Variants in MMS22L observed in about 807,000 individuals in gnomAD.
MMS22L encodes MMS22 like, DNA repair protein.
Under a neutral mutation model 159.1 loss-of-function variants are expected in MMS22L, and 74 were observed. That is an observed-to-expected ratio of 0.47 (90% CI 0.39 to 0.56). The LOEUF is 0.56. MMS22L is among the 20% of genes least tolerant of loss of function. MMS22L has a pLI of 0.00. For synonymous variants in MMS22L, 517 were observed against 506.9 expected (o/e 1.02, Z -0.27); for missense variants, 1,351 against 1,422.1 (o/e 0.95, Z 0.80).
At chr6:97,192,850 T>C (rs527691610) in intron 14 of MMS22L, among the ~76,000 whole-genome samples, 2 of 152,236 alleles carry the variant, frequency 1.3e-5, no homozygotes, top group Non-Finnish European at 2.9e-5. Flanking sequence ...GGTACTTTAT[T>C]GTCCTCATTT....
Position 97,144,583 on chromosome 6 carries a change from C to T in MMS22L, c.*2223G>A, listed in dbSNP as rs1313359711. The stretch of plus-strand genomic sequence containing the variant: ...AACAAACTCAGATTTGACCAAAAGA[C>T]AATGGCTTGTATTACACTGGTAGAA... On this transcript the variant is annotated 3_prime_UTR_variant, in exon 25 of 25. Transcript: ENST00000683635. 1.3e-5 allele frequency: 2 copies of T among 152,098 alleles called. No homozygotes were observed. Among genetic ancestry groups the T allele is most frequent in the African/African-American group, 4.8e-5 (2 of 41,424 alleles). 9.4% of individuals were successfully genotyped at this position (152,098 alleles called of 1,614,324 possible).
In MMS22L at chr6:97,178,524, T is replaced by C. The variant is rs1392774305; in HGVS notation, c.2598A>G (p.Val866=). The C allele has an allele frequency of 1.3e-6, 2 of 1,583,286 alleles. No homozygotes were observed. Among genetic ancestry groups the C allele is most frequent in the South Asian group, 1.1e-5 (1 of 87,544 alleles). The change falls in exon 18 of 25, where the codon GTA becomes GTG. Residue 866 remains valine (V), a synonymous_variant. Transcript: ENST00000683635. ...LTRLLFNLSE[V]KSIFSKAQVE... ...CTTGGGCCTTTGAGAAAATACTCTT[T>C]ACTTCTGAGAGATTAAATAGTAATC...
rs1050435453 is a variant in MMS22L, at chr6:97,168,941, T to C, written c.2840-701A>G. ...CCCTGGGCCTCACCATGAAACTCTA[T>C]ATTTATTTGTTGGTACCCCTATTTC... On this transcript the variant is annotated intron_variant, in intron 19 of 24. Transcript: ENST00000683635. Among the ~76,000 whole-genome samples, 21 of 152,218 alleles carry C rather than the reference T, an allele frequency of 1.4e-4. No individual in the cohort carries two copies. In the Middle Eastern group the frequency reaches 0.014, roughly 99 times the overall value.
chr6:97,205,354 G>C (rs944632307), intron 14 of MMS22L, among the ~76,000 whole-genome samples: 8 of 151,908 alleles, frequency 5.3e-5, no homozygotes, highest in Admixed American at 2.0e-4. Context: ...TCTTCCTGTT[G>C]TTTTACAATT....
intron 19 of MMS22L, among the ~76,000 whole-genome samples, chr6:97,170,795 C>T (rs1803464446): frequency 6.6e-6 from 1 of 152,054 alleles, no homozygotes; most frequent in African/African-American, 2.4e-5. Context: ...CTGCTTGAGC[C>T]CAGGAGTTCA....
chr6:97,226,947 TG>T (rs1055402621), intron 14 of MMS22L, among the ~76,000 whole-genome samples: 1 of 152,104 alleles, frequency 6.6e-6, no homozygotes, highest in African/African-American at 2.4e-5. Flanking sequence ...AAATGTTCCC[TG>T]GGGGACAACT....
At chr6:97,277,000 T>C (rs1816299950) in intron 4 of MMS22L, among the ~76,000 whole-genome samples, 1 of 152,160 alleles carries the variant, frequency 6.6e-6, no homozygotes, top group Admixed American at 6.5e-5. Context: ...GAAACAATAA[T>C]ACTTAACATT....
At chr6:97,178,179 T>A (rs2128266440) in intron 18 of MMS22L, among the ~76,000 whole-genome samples, 1 of 152,252 alleles carries the variant, frequency 6.6e-6, no homozygotes, top group South Asian at 2.1e-4. Flanking sequence ...CAATTTAGAT[T>A]AGCCTTAGAG....
intron 14 of MMS22L, among the ~76,000 whole-genome samples, chr6:97,200,616 G>T (rs1348756676): frequency 2.6e-5 from 4 of 151,014 alleles, no homozygotes; most frequent in African/African-American, 9.7e-5. Flanking sequence ...ATCTCCTGAT[G>T]AAAAAAAAAT....
chr6:97,191,445 A>C (rs766314954), intron 14 of MMS22L, among the ~76,000 whole-genome samples: 1 of 152,174 alleles, frequency 6.6e-6, no homozygotes, highest in Non-Finnish European at 1.5e-5. Context: ...TGATGCCTCA[A>C]AGTTTAAGGA....
chr6:97,174,784 A>C (rs1803962198), intron 18 of MMS22L, among the ~76,000 whole-genome samples: 1 of 152,212 alleles, frequency 6.6e-6, no homozygotes, highest in Admixed American at 6.5e-5. Context: ...AAAGAGTACT[A>C]CAGAAGCTTT....
At chr6:97,204,530 G>A (rs1807538081) in intron 14 of MMS22L, among the ~76,000 whole-genome samples, 1 of 152,188 alleles carries the variant, frequency 6.6e-6, no homozygotes, top group South Asian at 2.1e-4. Flanking sequence ...AGTGGCTCAT[G>A]CTTGTAATCC....
intron 18 of MMS22L, among the ~76,000 whole-genome samples, chr6:97,176,697 C>CA (rs1562420851): frequency 6.6e-6 from 1 of 152,140 alleles, no homozygotes; most frequent in Non-Finnish European, 1.5e-5. Flanking sequence ...ACTTCCCTGG[C>CA]AGGTAGTGTT....
In MMS22L at chr6:97,145,294, AAC is replaced by A. The variant is rs1446740982; in HGVS notation, c.*1510_*1511del. ...AGGACCATTTATATGTTATGAAAAT[AAC>A]AGACACTCCTTTGGATTTCACAGAT... On this transcript the variant is annotated 3_prime_UTR_variant, in exon 25 of 25. Transcript: ENST00000683635. 1 of 152,174 alleles carries A rather than the reference AAC, an allele frequency of 6.6e-6. No individual in the cohort carries two copies. The highest frequency in any genetic ancestry group is 2.4e-5 in the African/African-American group (1 of 41,440). The allele number at this position is 152,174 out of a possible 1,614,324, so 9.4% of individuals were successfully genotyped here. A position where few individuals can be genotyped will look rare whatever the true frequency, so the allele number is the denominator to read the frequency against.
In MMS22L at chr6:97,173,206, T is replaced by C. The variant is rs1332491400; in HGVS notation, c.2696A>G (p.Tyr899Cys). ...ATCAGAAAGTGTCTGGACGTTCCCG[T>C]AAGTTACACCAACAGCCTATAAATA... ...VRFFEAVGVT[Y>C]GNVQTLSDKS... The change falls in exon 19 of 25, where the codon TAC becomes TGC. Residue 899 changes from tyrosine to cysteine, a missense_variant. Tyr to Cys is a radical substitution (Grantham distance 194). Coordinates refer to ENST00000683635, the MANE Select transcript of MMS22L (RefSeq NM_001350599.2). 1 of 1,613,242 alleles carries C rather than the reference T, an allele frequency of 6.2e-7. No homozygotes were observed. The highest frequency in any genetic ancestry group is 8.5e-7 in the Non-Finnish European group (1 of 1,179,688).
In MMS22L at chr6:97,229,298, T is replaced by A. The variant is rs373786338; in HGVS notation, c.1635A>T (p.Glu545Asp). The A allele has an allele frequency of 3.1e-6, 5 of 1,614,164 alleles. No homozygotes were observed. The highest frequency in any genetic ancestry group is 4.2e-6 in the Non-Finnish European group (5 of 1,180,010). The change falls in exon 14 of 25, where the codon GAA becomes GAT. Residue 545 changes from glutamate to aspartate, a missense_variant. By Grantham distance (45) the Glu-to-Asp change is conservative. Transcript: ENST00000683635. ...GGTCTAAAACATGACTTGCAACATC[T>A]TCTACCTCTGCAACAGCTGCTAACA... is the stretch of plus-strand genomic sequence containing the variant. ...FLLLAAVAEVEDVASHVLDLL... is the reference protein window; with the variant it reads ...FLLLAAVAEVDDVASHVLDLL...
intron 10 of MMS22L, among the ~76,000 whole-genome samples, chr6:97,249,250 G>A (rs1582787161): frequency 6.6e-6 from 1 of 152,212 alleles, no homozygotes. Flanking sequence ...AACGTGGCCT[G>A]ACTCCATTAA....
chr6:97,210,035 A>G (rs1202062014), intron 14 of MMS22L, among the ~76,000 whole-genome samples: 3 of 151,962 alleles, frequency 2.0e-5, no homozygotes, highest in African/African-American at 7.2e-5. Context: ...AATTAGAAAC[A>G]CTAAAGTAAT....
intron 14 of MMS22L, among the ~76,000 whole-genome samples, chr6:97,188,161 CT>C (rs1805448733): frequency 2.0e-5 from 3 of 152,190 alleles, no homozygotes; most frequent in Admixed American, 2.0e-4. Flanking sequence ...ACTAACTCAA[CT>C]GCCTATATCA....
Sources: allele counts gnomAD v4.1 joint callset (sites outside exome capture counted in the v4.1 genomes callset), GRCh38; gene constraint gnomAD v4.1.1; transcripts MANE v1.5; gene names NCBI Gene and HGNC (gene_info 2026-07-23, HGNC 2026-07-21).